Variants in RNF169 observed in about 807,000 individuals in gnomAD.
RNF169 encodes ring finger protein 169.
In RNF169, 24 loss-of-function variants were observed where a neutral mutation model predicts 53.9. The ratio of observed to expected loss-of-function variants is 0.45; its 90% CI spans 0.32 to 0.63. The LOEUF (loss-of-function observed/expected upper bound fraction) is 0.63, where lower values mean the gene tolerates loss of function less well. Among genes scored for constraint, RNF169 ranks in the 20% least tolerant of loss-of-function variants. The probability of loss-of-function intolerance (pLI) is 0.04; values close to 1 mark genes in which losing one functional copy is unlikely to be tolerated. For missense variants in RNF169, 883 were observed against 906.2 expected, an observed-to-expected ratio of 0.97 and a Z score of 0.33; for synonymous variants, 396 against 363.5, an observed-to-expected ratio of 1.09 and a Z score of -1.02.
chr11:74,751,243 T>G, intron 1 of RNF169, among the ~76,000 whole-genome samples: 1 of 152,186 alleles, frequency 6.6e-6, no homozygotes, highest in East Asian at 1.9e-4. Context: ...TAGATGAAAC[T>G]GAGGTCCAGA....
At chr11:74,825,845 T>C (rs1255807380) in intron 4 of RNF169, among the ~76,000 whole-genome samples, 1 of 152,156 alleles carries the variant, frequency 6.6e-6, no homozygotes, top group East Asian at 1.9e-4. Flanking sequence ...TTTTTCACAC[T>C]GCTATAAAGA....
chr11:74,805,673 G>T (rs1177764025), intron 2 of RNF169, among the ~76,000 whole-genome samples: 1 of 152,114 alleles, frequency 6.6e-6, no homozygotes, highest in East Asian at 1.9e-4. Context: ...TAACCGTAAG[G>T]TAAAAGATTG....
At chr11:74,832,784 A>G (rs79515368) in intron 4 of RNF169, among the ~76,000 whole-genome samples, 2 of 152,094 alleles carry the variant, frequency 1.3e-5, no homozygotes, top group Non-Finnish European at 2.9e-5. Flanking sequence ...CCTTTTTTCT[A>G]ACCCAAGGTA....
Position 74,840,498 on chromosome 11 carries a change from C to T in RNF169, c.*3768C>T, listed in dbSNP as rs1035316314. On this transcript the variant is annotated 3_prime_UTR_variant, in exon 6 of 6. Transcript: ENST00000299563. ...GACATTAACATCTCTTCAGAAGCTG[C>T]TTTTAGCTTAAGCCCCAAGAAGTGA... is the stretch of plus-strand genomic sequence containing the variant. The T allele has an allele frequency of 6.6e-6, 1 of 152,212 alleles. No individual in the cohort carries two copies. Among genetic ancestry groups the T allele is most frequent in the Non-Finnish European group, 1.5e-5 (1 of 68,046 alleles). The allele number at this position is 152,212 out of a possible 1,614,324, so 9.4% of individuals were successfully genotyped here.
intron 1 of RNF169, among the ~76,000 whole-genome samples, chr11:74,751,068 G>A (rs1342385917): frequency 2.0e-5 from 3 of 151,524 alleles, no homozygotes; most frequent in East Asian, 1.9e-4. Context: ...ACGGGGTTTC[G>A]CCATGTTGGC....
Position 74,840,549 on chromosome 11 carries a change from T to A in RNF169, c.*3819T>A, listed in dbSNP as rs1461519010. The A allele has an allele frequency of 6.6e-6, 1 of 152,182 alleles. No homozygotes were observed. Among genetic ancestry groups the A allele is most frequent in the Non-Finnish European group, 1.5e-5 (1 of 68,034 alleles). 9.4% of individuals were successfully genotyped at this position (152,182 alleles called of 1,614,324 possible). Reference sequence around the variant, plus strand: ...GGTGGGTTGTGGATCACTGACATGGTCAGGGGAGGCCCACACCTCAATTCA... The same window carrying A: ...GGTGGGTTGTGGATCACTGACATGGACAGGGGAGGCCCACACCTCAATTCA... On this transcript the variant is annotated 3_prime_UTR_variant, in exon 6 of 6. Coordinates refer to ENST00000299563, the MANE Select transcript of RNF169 (RefSeq NM_001098638.2).
intron 1 of RNF169, among the ~76,000 whole-genome samples, chr11:74,784,930 A>T (rs2035466615): frequency 6.6e-6 from 1 of 152,140 alleles, no homozygotes; most frequent in South Asian, 2.1e-4. Flanking sequence ...GTACGTGTAC[A>T]TGTGTGCACT....
chr11:74,761,729 C>T (rs1565170351), intron 1 of RNF169, among the ~76,000 whole-genome samples: 1 of 151,872 alleles, frequency 6.6e-6, no homozygotes, highest in Non-Finnish European at 1.5e-5. Flanking sequence ...CTCTGGCTGC[C>T]CTTAACATTT....
At position 74,841,222 on chromosome 11, in the gene RNF169, C is replaced by T. The variant is rs1355927483; in HGVS notation, c.*4492C>T. The T allele has an allele frequency of 2.0e-5, 3 of 152,188 alleles. No homozygotes were observed. The highest frequency in any genetic ancestry group is 2.0e-4 in the Admixed American group (3 of 15,284). 9.4% of individuals were successfully genotyped at this position (152,188 alleles called of 1,614,324 possible). ...CCTCAGGCAGCCTTTTCCTCATCAA[C>T]CCATAGAGTGGTCTTTTGAACTGGT... On this transcript the variant is annotated 3_prime_UTR_variant, in exon 6 of 6. Transcript: ENST00000299563.
intron 1 of RNF169, among the ~76,000 whole-genome samples, chr11:74,753,060 A>G (rs1199497817): frequency 6.6e-6 from 1 of 152,120 alleles, no homozygotes; most frequent in Non-Finnish European, 1.5e-5. Flanking sequence ...CCTCCGCCTC[A>G]CCGGTTCAAG....
At chr11:74,796,219 T>C (rs1427477945) in intron 2 of RNF169, among the ~76,000 whole-genome samples, 2 of 152,192 alleles carry the variant, frequency 1.3e-5, no homozygotes, top group Admixed American at 6.5e-5. Flanking sequence ...CATTCTATTA[T>C]ATATTTATTC....
At chr11:74,826,411 C>G (rs1051122457) in intron 4 of RNF169, among the ~76,000 whole-genome samples, 1 of 152,172 alleles carries the variant, frequency 6.6e-6, no homozygotes, top group African/African-American at 2.4e-5. Flanking sequence ...CCCCATGATT[C>G]AGTTACCACC....
chr11:74,836,503 A>G lies in RNF169; in HGVS notation c.1900A>G (p.Asn634Asp), dbSNP rs1441862227. Reference sequence around the variant, plus strand: ...CTGCAAGACCAAGCACTTAGAACAAAATGGCTCCCTTAAAAAACTGCGACA... The same window carrying G: ...CTGCAAGACCAAGCACTTAGAACAAGATGGCTCCCTTAAAAAACTGCGACA... The part of the protein sequence containing the change: ...RHCKTKHLEQ[N>D]GSLKKLRQTS... Residue 634 changes from asparagine (N) to aspartate (D), a missense_variant, in exon 6 of 6, where the codon AAT becomes GAT. Physicochemically the swap from Asn to Asp is conservative, Grantham distance 23 (BLOSUM62 1). Around this residue, in one of 3 missense-constraint regions of RNF169, gnomAD observed 351 missense variants for 337.3 expected, o/e 1.04. Transcript: ENST00000299563. The G allele has an allele frequency of 5.0e-6, 8 of 1,614,030 alleles. No homozygotes were observed. Among genetic ancestry groups the G allele is most frequent in the Non-Finnish European group, 5.9e-6 (7 of 1,180,048 alleles).
intron 1 of RNF169, among the ~76,000 whole-genome samples, chr11:74,777,552 T>C (rs1454343663): frequency 6.6e-6 from 1 of 152,192 alleles, no homozygotes; most frequent in East Asian, 1.9e-4. Context: ...AACAAAGCCT[T>C]GTTGTTGGGG....
intron 3 of RNF169, among the ~76,000 whole-genome samples, chr11:74,812,244 AGATTTTTGT>A (rs2035885146): frequency 6.6e-6 from 1 of 152,066 alleles, no homozygotes; most frequent in South Asian, 2.1e-4. Context: ...GTCAAGTTTT[AGATTTTTGT>A]GATTTTTGCC....
intron 3 of RNF169, 104 bp downstream of exon 3, chr11:74,810,434 ACAGT>A (rs1487736414): frequency 2.0e-6 from 2 of 991,644 alleles, no homozygotes. Flanking sequence ...GAGACCAGTA[ACAGT>A]CAGTGACTGT....
Position 74,842,029 on chromosome 11 carries a change from C to A in RNF169, c.*5299C>A, listed in dbSNP as rs9444. The A allele has an allele frequency of 6.6e-6, 1 of 151,662 alleles. No individual in the cohort carries two copies. The highest frequency in any genetic ancestry group is 1.5e-5 in the Non-Finnish European group (1 of 67,852). 9.4% of individuals were successfully genotyped at this position (151,662 alleles called of 1,614,324 possible). A position where few individuals can be genotyped will look rare whatever the true frequency, so the allele number is the denominator to read the frequency against. ...AGTTTTTTTTTTTTTGAACCTGATA[C>A]ACTGTTTGTTTACTCTCAACTCTTT... On this transcript the variant is annotated 3_prime_UTR_variant, in exon 6 of 6. Transcript: ENST00000299563.
intron 2 of RNF169, among the ~76,000 whole-genome samples, chr11:74,809,767 CTT>C (rs930514773): frequency 6.6e-6 from 1 of 152,220 alleles, no homozygotes; most frequent in Admixed American, 6.5e-5. Context: ...TTAAGTCACT[CTT>C]TTGTTGCCAA....
intron 4 of RNF169, among the ~76,000 whole-genome samples, chr11:74,821,423 CCG>C (rs2036008181): frequency 1.4e-5 from 1 of 69,466 alleles, no homozygotes; most frequent in East Asian, 3.6e-4. Flanking sequence ...CTTTGGGAGG[CCG>C]AGGCGGGCGG....
Sources: allele counts gnomAD v4.1 joint callset (sites outside exome capture counted in the v4.1 genomes callset), GRCh38; gene constraint gnomAD v4.1.1; regional missense constraint gnomAD v4.1.1; transcripts MANE v1.5; gene names NCBI Gene and HGNC (gene_info 2026-07-23, HGNC 2026-07-21).